RELN: variants seen among roughly 807,000 people sequenced by gnomAD.
RELN encodes reelin.
RELN carries 108 observed loss-of-function variants against 427.6 expected under a neutral mutation model. The ratio of observed to expected loss-of-function variants is 0.25; its 90% CI spans 0.22 to 0.30. The LOEUF is 0.30. Among genes scored for constraint, RELN ranks in the 10% least tolerant of loss-of-function variants. The pLI is 1.00. For synonymous variants in RELN, 1,524 were observed against 1,513.4 expected (o/e 1.01, Z -0.16); for missense variants, 3,715 against 4,302.8 (o/e 0.86, Z 3.82).
intron 4 of RELN, among the ~76,000 whole-genome samples, chr7:103,772,909 A>C (rs1202817860): frequency 1.3e-5 from 2 of 152,188 alleles, no homozygotes; most frequent in Non-Finnish European, 2.9e-5. Context: ...GAAGGGTTTT[A>C]AGCAGGCAAA....
In RELN at chr7:103,749,572, C is replaced by T. The variant is rs151088461; in HGVS notation, c.578-68G>A. On this transcript the variant is annotated intron_variant, in intron 5 of 64. Coordinates refer to ENST00000428762, the MANE Select transcript of RELN (RefSeq NM_005045.4). The stretch of plus-strand genomic sequence containing the variant: ...CAGTACATTTAGCTAAACACAAGTG[C>T]CAACATGCTGTATTTATGAAGAATA... The T allele has an allele frequency of 2.5e-4, 266 of 1,077,724 alleles. No homozygotes were observed. The African/African-American group carries it at 3.5e-3, about 14-fold the overall frequency. The allele number at this position is 1,077,724 out of a possible 1,614,324, so 66.8% of individuals were successfully genotyped here.
intron 16 of RELN, among the ~76,000 whole-genome samples, chr7:103,648,962 A>G (rs1038099853): frequency 2.0e-5 from 3 of 152,052 alleles, no homozygotes; most frequent in Non-Finnish European, 4.4e-5. Context: ...ACGTGGGGGA[A>G]AAGGAAACTC....
chr7:103,777,619 G>A (rs1025148542), intron 3 of RELN, among the ~76,000 whole-genome samples: 2 of 152,006 alleles, frequency 1.3e-5, no homozygotes, highest in Admixed American at 6.6e-5. Context: ...CCCTTCCTTC[G>A]GTCAACATCT....
chr7:103,838,004 C>T (rs1344783642), intron 2 of RELN, among the ~76,000 whole-genome samples: 1 of 151,706 alleles, frequency 6.6e-6, no homozygotes, highest in African/African-American at 2.4e-5. Context: ...TAAGGAGATC[C>T]AGACCATCCT....
intron 1 of RELN, among the ~76,000 whole-genome samples, chr7:103,921,863 G>A (rs969244051): frequency 2.0e-5 from 3 of 152,098 alleles, no homozygotes; most frequent in African/African-American, 7.2e-5. Context: ...ATGACCCCTT[G>A]CCAGGTTACC....
At chr7:103,579,599 CAAAAA>C (rs34750174) in intron 28 of RELN, among the ~76,000 whole-genome samples, 2 of 64,778 alleles carry the variant, frequency 3.1e-5, no homozygotes, top group Admixed American at 1.8e-4. Flanking sequence ...ACTCCATCTC[CAAAAA>C]AAAAAAAAAA....
intron 3 of RELN, among the ~76,000 whole-genome samples, chr7:103,827,876 A>G (rs969959456): frequency 6.6e-6 from 1 of 152,090 alleles, no homozygotes; most frequent in African/African-American, 2.4e-5. Flanking sequence ...TAGCATATCC[A>G]GTTTTATCTC....
At chr7:103,580,512 G>T (rs1358552624) in intron 28 of RELN, among the ~76,000 whole-genome samples, 2 of 152,034 alleles carry the variant, frequency 1.3e-5, no homozygotes, top group East Asian at 3.9e-4. Context: ...CTTCCAACTG[G>T]GTTATACCAC....
intron 6 of RELN, among the ~76,000 whole-genome samples, chr7:103,739,888 A>G (rs965468072): frequency 6.6e-6 from 1 of 152,192 alleles, no homozygotes; most frequent in African/African-American, 2.4e-5. Flanking sequence ...CCCATGGCCC[A>G]GGACTGGGAA....
intron 11 of RELN, among the ~76,000 whole-genome samples, chr7:103,662,263 C>G (rs1833159474): frequency 1.3e-5 from 2 of 152,154 alleles, no homozygotes; most frequent in African/African-American, 4.8e-5. Flanking sequence ...AGTGTGACTC[C>G]AGAGCCTATG....
intron 43 of RELN, 47 bp from the exon 44 acceptor site, chr7:103,540,502 C>A: frequency 3.8e-6 from 6 of 1,597,746 alleles, no homozygotes; most frequent in Non-Finnish European, 5.1e-6. Context: ...CAAAAGAAAT[C>A]CACATGCTTA....
intron 6 of RELN, among the ~76,000 whole-genome samples, chr7:103,746,502 T>G (rs1210505524): frequency 6.6e-6 from 1 of 151,612 alleles, no homozygotes; most frequent in Non-Finnish European, 1.5e-5. Context: ...GGGAGAAAAT[T>G]TTTGCAACCT....
chr7:103,853,848 A>C (rs1202666686), intron 2 of RELN, among the ~76,000 whole-genome samples: 1 of 152,096 alleles, frequency 6.6e-6, no homozygotes, highest in Non-Finnish European at 1.5e-5. Context: ...GGAACCCAGT[A>C]AAAAATGGCT....
At chr7:103,673,681 T>C (rs1490426398) in intron 11 of RELN, among the ~76,000 whole-genome samples, 2 of 152,300 alleles carry the variant, frequency 1.3e-5, no homozygotes, top group South Asian at 2.1e-4. Context: ...TTCCTAATAC[T>C]TGATATTTGG....
At chr7:103,636,023 C>T (rs1364898244) in intron 18 of RELN, among the ~76,000 whole-genome samples, 1 of 152,092 alleles carries the variant, frequency 6.6e-6, no homozygotes. Flanking sequence ...TTTAAAAAAC[C>T]TAGTCAGTCA....
intron 11 of RELN, among the ~76,000 whole-genome samples, chr7:103,663,941 C>A (rs1833201130): frequency 6.6e-6 from 1 of 152,198 alleles, no homozygotes; most frequent in African/African-American, 2.4e-5. Context: ...TGTTCCCTTA[C>A]TCATACTCTT....
chr7:103,938,480 T>C (rs986056345), intron 1 of RELN, among the ~76,000 whole-genome samples: 1 of 152,326 alleles, frequency 6.6e-6, no homozygotes, highest in Non-Finnish European at 1.5e-5. Context: ...ATTTTACTTA[T>C]AATCCTTAAA....
intron 12 of RELN, 40 bp from the exon 13 acceptor site, chr7:103,654,245 G>T: frequency 9.9e-7 from 1 of 1,011,486 alleles, no homozygotes; most frequent in Non-Finnish European, 1.6e-6. Context: ...GTACCAACTA[G>T]CATCCATAAA....
Position 103,898,817 on chromosome 7 carries a change from A to G in RELN, c.337+18258T>C, listed in dbSNP as rs988159097. Among the ~76,000 whole-genome samples, 15 of 152,068 alleles carry G rather than the reference A, an allele frequency of 9.9e-5. 1 individual carries two copies. Among genetic ancestry groups the G allele is most frequent in the Admixed American group, 8.5e-4 (13 of 15,218 alleles). On this transcript the variant is annotated intron_variant, in intron 2 of 64. Transcript: ENST00000428762. ...TAAAGCTAGAGCAAAATGTTTGTTC[A>G]TCATTTTAATTTTTAAAAATTAGCA...
Sources: allele counts gnomAD v4.1 joint callset (sites outside exome capture counted in the v4.1 genomes callset), GRCh38; gene constraint gnomAD v4.1.1; transcripts MANE v1.5; gene names NCBI Gene and HGNC (gene_info 2026-07-23, HGNC 2026-07-21).